The following UBE2R2 variants were observed in gnomAD, a reference collection of about 807,000 sequenced individuals.
UBE2R2 encodes ubiquitin conjugating enzyme E2 R2, also known as ubiquitin-conjugating enzyme E2 R2.
A neutral mutation model predicts 27.8 loss-of-function variants in UBE2R2; 1 was observed. That is an observed-to-expected ratio of 0.04 (90% confidence interval 0.01 to 0.17). UBE2R2 has a LOEUF of 0.17. Ranked by LOEUF, UBE2R2 falls within the 10% of genes least tolerant of loss-of-function variation. The probability of loss-of-function intolerance (pLI) is 1.00; values close to 1 mark genes in which losing one functional copy is unlikely to be tolerated. For synonymous variants in UBE2R2, 106 were observed against 113.3 expected, an observed-to-expected ratio of 0.94 and a Z score of 0.41; for missense variants, 100 against 291.0, an observed-to-expected ratio of 0.34 and a Z score of 4.78.
intron 1 of UBE2R2, among the ~76,000 whole-genome samples, chr9:33,883,628 A>T (rs1821781178): frequency 1.3e-5 from 2 of 150,226 alleles, no homozygotes; most frequent in Admixed American, 1.3e-4. Context: ...AGGCAGGAGG[A>T]TCACTTGAGC....
chr9:33,881,320 A>T (rs542543906), intron 1 of UBE2R2, among the ~76,000 whole-genome samples: 5 of 152,230 alleles, frequency 3.3e-5, no homozygotes, highest in Admixed American at 3.3e-4. Flanking sequence ...GGTATAATGC[A>T]TATACCATAA....
chr9:33,896,606 A>ATTTTTTT (rs60575205), intron 2 of UBE2R2, among the ~76,000 whole-genome samples: 1 of 139,480 alleles, frequency 7.2e-6, no homozygotes, highest in African/African-American at 2.6e-5. Flanking sequence ...ATGACTGGCT[A>ATTTTTTT]TTTTTTTTTT....
intron 1 of UBE2R2, among the ~76,000 whole-genome samples, chr9:33,848,979 G>A (rs906820205): frequency 4.6e-5 from 7 of 151,872 alleles, no homozygotes; most frequent in Non-Finnish European, 1.0e-4. Context: ...TGTTTAGGCC[G>A]GGTGCCGTGG....
intron 1 of UBE2R2, among the ~76,000 whole-genome samples, chr9:33,833,279 A>G (rs1820538972): frequency 6.6e-6 from 1 of 152,018 alleles, no homozygotes; most frequent in Admixed American, 6.6e-5. Context: ...GTTAGCCAGG[A>G]TGGTCTTGAT....
At chr9:33,907,843 T>TG (rs1168446696) in intron 3 of UBE2R2, among the ~76,000 whole-genome samples, 4 of 152,088 alleles carry the variant, frequency 2.6e-5, no homozygotes, top group African/African-American at 9.7e-5. Context: ...GTTGTTTTTT[T>TG]TTAAGACAGA....
At chr9:33,887,038 C>A in intron 2 of UBE2R2, 71 bp downstream of exon 2, 1 of 1,239,920 alleles carries the variant, frequency 8.1e-7, no homozygotes, top group Non-Finnish European at 1.1e-6. Flanking sequence ...AATAGCCTAT[C>A]TCAGCACACT....
At position 33,919,379 on chromosome 9, in the gene UBE2R2, C is replaced by T. The variant is rs1350481983; in HGVS notation, c.*2142C>T. The T allele has an allele frequency of 6.6e-6, 1 of 152,094 alleles. No homozygotes were observed. The highest frequency in any genetic ancestry group is 6.6e-5 in the Admixed American group (1 of 15,264). 9.4% of individuals were successfully genotyped at this position (152,094 alleles called of 1,614,324 possible). ...GAGCCCTAAAATTAAGCCTTTCATT[C>T]CCCTTTGCTAAAGCATCTCACTCCC... On this transcript the variant is annotated 3_prime_UTR_variant, in exon 5 of 5. Coordinates refer to ENST00000263228, the MANE Select transcript of UBE2R2 (RefSeq NM_017811.4).
At chr9:33,912,289 G>T (rs1822510776) in intron 4 of UBE2R2, among the ~76,000 whole-genome samples, 191 bp downstream of exon 4, 1 of 152,068 alleles carries the variant, frequency 6.6e-6, no homozygotes, top group Admixed American at 6.6e-5. Context: ...ACAGCCACTA[G>T]AAGATAAGGC....
chr9:33,836,866 A>C (rs1429825152), intron 1 of UBE2R2, among the ~76,000 whole-genome samples: 3 of 152,078 alleles, frequency 2.0e-5, no homozygotes, highest in Admixed American at 1.3e-4. Context: ...CTGGGTATAG[A>C]ATTCTAGATT....
chr9:33,837,916 T>C (rs546072008), intron 1 of UBE2R2, among the ~76,000 whole-genome samples: 1 of 152,266 alleles, frequency 6.6e-6, no homozygotes, highest in African/African-American at 2.4e-5. Context: ...CCTGAAGACA[T>C]CATGTATATA....
intron 2 of UBE2R2, among the ~76,000 whole-genome samples, chr9:33,889,799 C>A (rs1821939892): frequency 6.6e-6 from 1 of 151,994 alleles, no homozygotes; most frequent in Non-Finnish European, 1.5e-5. Context: ...TTCTTTTGCC[C>A]CAGCCTCCTG....
intron 1 of UBE2R2, among the ~76,000 whole-genome samples, chr9:33,847,747 A>ATTTTTT (rs367991925): frequency 9.5e-6 from 1 of 105,044 alleles, no homozygotes. Flanking sequence ...TTGACCTGAA[A>ATTTTTT]TTTTTTTTTT....
chr9:33,902,882 C>T (rs1822274514), intron 3 of UBE2R2, among the ~76,000 whole-genome samples: 1 of 152,056 alleles, frequency 6.6e-6, no homozygotes, highest in Non-Finnish European at 1.5e-5. Flanking sequence ...GGCAGATCAC[C>T]TGAGGTCGGG....
chr9:33,913,050 TC>T (rs1214565203), intron 4 of UBE2R2, among the ~76,000 whole-genome samples: 1 of 149,792 alleles, frequency 6.7e-6, no homozygotes, highest in Non-Finnish European at 1.5e-5. Context: ...AGCCTCTATC[TC>T]CTGGGTTCAA....
At chr9:33,850,645 T>C (rs1280842411) in intron 1 of UBE2R2, among the ~76,000 whole-genome samples, 1 of 151,942 alleles carries the variant, frequency 6.6e-6, no homozygotes, top group Non-Finnish European at 1.5e-5. Flanking sequence ...TCGGGATTCC[T>C]TTTTGCCTTC....
chr9:33,904,910 G>C (rs146859397), intron 3 of UBE2R2, among the ~76,000 whole-genome samples: 1 of 152,178 alleles, frequency 6.6e-6, no homozygotes, highest in African/African-American at 2.4e-5. Context: ...ACACGTCTTT[G>C]ATTAGAAGTT....
rs566860126 is a variant in UBE2R2, at chr9:33,891,544, G to C, written c.264+4577G>C. Among the ~76,000 whole-genome samples the C allele has an allele frequency of 6.7e-4, 102 of 152,194 alleles. 1 individual carries two copies. In the Middle Eastern group the frequency reaches 0.01, roughly 15 times the overall value. On this transcript the variant is annotated intron_variant, in intron 2 of 4. Transcript: ENST00000263228. ...CACCTGTAATCCCAGTTGCTTGGGA[G>C]GCTGAGGCATGAGAATCGCTTGAAC...
chr9:33,818,401 A>G (rs1825879900), intron 1 of UBE2R2, among the ~76,000 whole-genome samples: 1 of 150,554 alleles, frequency 6.6e-6, no homozygotes, highest in Non-Finnish European at 1.5e-5. Context: ...GGGGAGGGGC[A>G]CCAGCTTGTC....
At chr9:33,879,887 G>A (rs903137655) in intron 1 of UBE2R2, among the ~76,000 whole-genome samples, 1 of 138,552 alleles carries the variant, frequency 7.2e-6, no homozygotes, top group Non-Finnish European at 1.6e-5. Context: ...TTGTTTGTTT[G>A]GTTTTGTTTT....
Sources: allele counts gnomAD v4.1 joint callset (sites outside exome capture counted in the v4.1 genomes callset), GRCh38; gene constraint gnomAD v4.1.1; transcripts MANE v1.5; gene names NCBI Gene and HGNC (gene_info 2026-07-23, HGNC 2026-07-21).